CSMD1: variants seen among roughly 807,000 people sequenced by gnomAD.
CSMD1 encodes CUB and Sushi multiple domains 1.
In CSMD1, 213 loss-of-function variants were observed where a neutral mutation model predicts 417.5. The observed-to-expected ratio is 0.51, with a 90% confidence interval of 0.46 to 0.57. The LOEUF is 0.57. Among genes scored for constraint, CSMD1 ranks in the 20% least tolerant of loss-of-function variants. The probability of loss-of-function intolerance (pLI) is 0.00; values close to 1 mark genes in which losing one functional copy is unlikely to be tolerated. For missense variants in CSMD1, 6,923 were observed against 4,529.7 expected (o/e 1.53, Z -15.17); for synonymous variants, 2,862 against 1,736.8 (o/e 1.65, Z -16.11).
At chr8:3,207,364 C>A (rs902867803) in intron 30 of CSMD1, among the ~76,000 whole-genome samples, 1 of 150,810 alleles carries the variant, frequency 6.6e-6, no homozygotes, top group South Asian at 2.1e-4. Flanking sequence ...AGGCTGGTCT[C>A]GAACTCCTGA....
chr8:3,224,168 T>C lies in CSMD1; in HGVS notation c.4346-301A>G, dbSNP rs111402133. 1.4e-3 allele frequency among the ~76,000 whole-genome samples: 219 copies of C among 152,332 alleles called. 1 individual carries two copies. Among genetic ancestry groups the C allele is most frequent in the African/African-American group, 5.1e-3 (212 of 41,574 alleles). On this transcript the variant is annotated intron_variant, in intron 27 of 69. Transcript: ENST00000635120. ...ATAATTTAAAATTTTCTCAATTAAA[T>C]GAAAGATGACTTAATCCCCATACCT...
At chr8:4,595,459 T>C (rs1039631255) in intron 2 of CSMD1, among the ~76,000 whole-genome samples, 3 of 152,132 alleles carry the variant, frequency 2.0e-5, no homozygotes, top group African/African-American at 7.2e-5. Flanking sequence ...GTAAGACTGT[T>C]CTGGTTCTGT....
At chr8:3,470,516 C>T (rs555469607) in intron 11 of CSMD1, among the ~76,000 whole-genome samples, 57 of 152,250 alleles carry the variant, frequency 3.7e-4, no homozygotes, top group African/African-American at 1.3e-3. Context: ...AAAACTTTCC[C>T]TGTTTTATTC....
At chr8:3,721,263 C>T (rs1563309407) in intron 6 of CSMD1, among the ~76,000 whole-genome samples, 1 of 152,034 alleles carries the variant, frequency 6.6e-6, no homozygotes, top group African/African-American at 2.4e-5. Flanking sequence ...CTTTTATAAG[C>T]AGCAATGCCC....
intron 3 of CSMD1, among the ~76,000 whole-genome samples, chr8:4,034,324 T>C (rs1401557203): frequency 6.6e-6 from 1 of 152,238 alleles, no homozygotes; most frequent in Non-Finnish European, 1.5e-5. Context: ...TCTATTTACA[T>C]AGTCAAAGTG....
intron 2 of CSMD1, among the ~76,000 whole-genome samples, chr8:4,469,016 GTTCAAAAGACAATGC>G (rs1166774802): frequency 6.6e-6 from 1 of 152,156 alleles, no homozygotes; most frequent in Non-Finnish European, 1.5e-5. Context: ...AGGAAAAAAA[GTTCAAAAGACAATGC>G]TATACTCTCT....
chr8:3,106,476 A>C (rs780799658), intron 46 of CSMD1, 52 bp downstream of exon 46: 77 of 1,115,802 alleles, frequency 6.9e-5, no homozygotes, highest in Non-Finnish European at 9.6e-5. Context: ...CAAACAATAC[A>C]ATTTTCCATG....
At chr8:2,953,420 T>C (rs914583945) in intron 65 of CSMD1, among the ~76,000 whole-genome samples, 1 of 150,940 alleles carries the variant, frequency 6.6e-6, no homozygotes, top group African/African-American at 2.4e-5. Context: ...CAAATACTCT[T>C]TCCATGTTTG....
At chr8:4,352,719 A>T (rs1801168384) in intron 3 of CSMD1, among the ~76,000 whole-genome samples, 1 of 152,230 alleles carries the variant, frequency 6.6e-6, no homozygotes, top group Non-Finnish European at 1.5e-5. Flanking sequence ...CACAAATAAG[A>T]ACCCTCTGTT....
Position 4,524,252 on chromosome 8 carries a change from C to CAA in CSMD1, c.303-104189_303-104188dup, listed in dbSNP as rs57258882. 5.6e-4 allele frequency among the ~76,000 whole-genome samples: 73 copies of CAA among 129,284 alleles called. 1 individual carries two copies. The highest frequency in any genetic ancestry group is 1.9e-3 in the African/African-American group (68 of 35,286). 84.8% of individuals were successfully genotyped at this position (129,284 alleles called of 152,430 possible). On this transcript the variant is annotated intron_variant, in intron 2 of 69. Transcript: ENST00000635120. ...GTGTATAAAGAATGAAGACAACACT[C>CAA]AAAAAAAAAAAATGAAATACCCATC...
chr8:3,963,436 C>G (rs1812457695), intron 5 of CSMD1, among the ~76,000 whole-genome samples: 1 of 152,126 alleles, frequency 6.6e-6, no homozygotes, highest in Admixed American at 6.5e-5. Flanking sequence ...TCTCGCTGGT[C>G]TCTTTGTCCA....
chr8:4,038,043 G>C (rs575755784), intron 3 of CSMD1, among the ~76,000 whole-genome samples: 1 of 152,030 alleles, frequency 6.6e-6, no homozygotes, highest in East Asian at 1.9e-4. Context: ...ATAAGTATCA[G>C]AGGCTTAAAA....
At chr8:3,277,320 G>C (rs565403189) in intron 26 of CSMD1, among the ~76,000 whole-genome samples, 1 of 152,138 alleles carries the variant, frequency 6.6e-6, no homozygotes, top group Non-Finnish European at 1.5e-5. Flanking sequence ...ACGTTGCTGC[G>C]GAAAAGGTTC....
intron 1 of CSMD1, among the ~76,000 whole-genome samples, chr8:4,882,186 G>A (rs746405929): frequency 1.3e-5 from 2 of 151,928 alleles, no homozygotes; most frequent in African/African-American, 2.4e-5. Context: ...GGCACTAGAC[G>A]GTGGTGTACA....
At chr8:4,949,706 G>C (rs976436829) in intron 1 of CSMD1, among the ~76,000 whole-genome samples, 3 of 152,096 alleles carry the variant, frequency 2.0e-5, no homozygotes, top group African/African-American at 7.2e-5. Flanking sequence ...ATTTTAATGG[G>C]ATCATTTGGG....
intron 15 of CSMD1, among the ~76,000 whole-genome samples, chr8:3,405,674 C>G (rs538887062): frequency 6.6e-6 from 1 of 152,258 alleles, no homozygotes; most frequent in Admixed American, 6.5e-5. Flanking sequence ...GACACAGGGA[C>G]AGACACACAC....
chr8:3,435,464 C>T (rs1814496168), intron 12 of CSMD1, among the ~76,000 whole-genome samples: 1 of 152,160 alleles, frequency 6.6e-6, no homozygotes, highest in East Asian at 1.9e-4. Context: ...TAGACCACCA[C>T]ATTCTGTCCA....
intron 5 of CSMD1, among the ~76,000 whole-genome samples, chr8:3,987,203 G>A (rs976129838): frequency 6.6e-6 from 1 of 152,156 alleles, no homozygotes; most frequent in African/African-American, 2.4e-5. Context: ...CACACACCGT[G>A]CCCACAACAG....
At chr8:4,927,222 ATTTT>A (rs536475573) in intron 1 of CSMD1, among the ~76,000 whole-genome samples, 5,228 of 150,504 alleles carry the variant, frequency 0.035, 91 homozygotes, top group Middle Eastern at 0.1. Flanking sequence ...TTTTTGGCTA[ATTTT>A]TTTTTATTTT....
Sources: gnomAD v4.1 joint callset for allele counts (sites outside exome capture counted in the v4.1 genomes callset) on GRCh38, gnomAD v4.1.1 for gene constraint, MANE v1.5 for transcripts, NCBI Gene and HGNC (gene_info 2026-07-23, HGNC 2026-07-21) for gene names.